Variants in ADAMTS19 observed in about 807,000 individuals in gnomAD.
The protein encoded by ADAMTS19 is ADAM metallopeptidase with thrombospondin type 1 motif 19.
ADAMTS19 carries 93 observed loss-of-function variants against 153.3 expected under a neutral mutation model. The ratio of observed to expected loss-of-function variants is 0.61; its 90% CI spans 0.51 to 0.72. The LOEUF is 0.72. ADAMTS19 is among the 30% of genes least tolerant of loss of function. ADAMTS19 has a pLI of 0.00. For synonymous variants in ADAMTS19, 600 were observed against 556.6 expected, an observed-to-expected ratio of 1.08 and a Z score of -1.10; for missense variants, 1,482 against 1,552.1, an observed-to-expected ratio of 0.95 and a Z score of 0.76.
intron 7 of ADAMTS19, among the ~76,000 whole-genome samples, chr5:129,571,247 T>C (rs1753895264): frequency 6.6e-6 from 1 of 151,922 alleles, no homozygotes; most frequent in Admixed American, 6.6e-5. Context: ...AAAAATCTAA[T>C]GTATTTTTAT....
chr5:129,498,249 C>A (rs2126704628), intron 2 of ADAMTS19, among the ~76,000 whole-genome samples: 1 of 152,132 alleles, frequency 6.6e-6, no homozygotes, highest in South Asian at 2.1e-4. Flanking sequence ...CCATTTCAAT[C>A]TTTCTTTTAA....
chr5:129,682,625 G>T (rs529503553), intron 17 of ADAMTS19, among the ~76,000 whole-genome samples: 15 of 152,184 alleles, frequency 9.9e-5, no homozygotes, highest in African/African-American at 3.4e-4. Flanking sequence ...ATAGTCGTAA[G>T]GTATATCATT....
intron 7 of ADAMTS19, among the ~76,000 whole-genome samples, chr5:129,582,279 C>A (rs1334967316): frequency 1.3e-5 from 2 of 150,922 alleles, no homozygotes; most frequent in African/African-American, 2.4e-5. Context: ...CTGGGTGCTC[C>A]TGTATTGGGG....
At chr5:129,482,173 C>T (rs934351743) in intron 2 of ADAMTS19, among the ~76,000 whole-genome samples, 1 of 152,202 alleles carries the variant, frequency 6.6e-6, no homozygotes, top group African/African-American at 2.4e-5. Flanking sequence ...TCTAGTACTT[C>T]ATTTTCTCCC....
intron 18 of ADAMTS19, among the ~76,000 whole-genome samples, chr5:129,687,107 A>G (rs1199084305): frequency 6.6e-6 from 1 of 152,172 alleles, no homozygotes; most frequent in East Asian, 1.9e-4. Context: ...ACAAAGGCAC[A>G]AAATAGAAGC....
chr5:129,693,213 C>G (rs970727909), intron 18 of ADAMTS19, among the ~76,000 whole-genome samples: 1 of 152,156 alleles, frequency 6.6e-6, no homozygotes, highest in Admixed American at 6.6e-5. Context: ...ACTTAGCCAA[C>G]CAGTTGCCTC....
intron 7 of ADAMTS19, among the ~76,000 whole-genome samples, chr5:129,577,543 G>A (rs1379345615): frequency 6.6e-6 from 1 of 152,096 alleles, no homozygotes; most frequent in East Asian, 1.9e-4. Flanking sequence ...AGTGACAAGT[G>A]ATATTTGCAT....
chr5:129,589,425 A>G lies in ADAMTS19; in HGVS notation c.1373-7134A>G, dbSNP rs531253343. Among the ~76,000 whole-genome samples, 4 of 152,162 alleles carry G rather than the reference A, an allele frequency of 2.6e-5. No individual in the cohort carries two copies. In the East Asian group the frequency reaches 7.7e-4, roughly 29 times the overall value. ...TATACATTATAATTACATATATGTT[A>G]TCCAAATGTATAACGGATATATATG... On this transcript the variant is annotated intron_variant, in intron 7 of 22. Transcript: ENST00000274487.
rs1272009073 is a variant in ADAMTS19, at chr5:129,551,180, G to C, written c.1329-684G>C. Among the ~76,000 whole-genome samples the C allele has an allele frequency of 2.6e-5, 4 of 151,692 alleles. No homozygotes were observed. The East Asian group carries it at 5.8e-4, about 22-fold the overall frequency. On this transcript the variant is annotated intron_variant, in intron 6 of 22. Transcript: ENST00000274487. ...ATAGCTAGTAAGAGGTAGATTAAAA[G>C]TTTTGCTTTCATATATTCTGCCCCC...
chr5:129,730,986 TCTCA>T (rs2127219366), intron 21 of ADAMTS19, among the ~76,000 whole-genome samples: 1 of 151,900 alleles, frequency 6.6e-6, no homozygotes, highest in African/African-American at 2.4e-5. Flanking sequence ...TGAGACAGAG[TCTCA>T]CTCTGTCACC....
intron 20 of ADAMTS19, among the ~76,000 whole-genome samples, chr5:129,702,870 T>C (rs1331061050): frequency 2.7e-5 from 4 of 147,036 alleles, no homozygotes; most frequent in African/African-American, 1.0e-4. Context: ...TGAAAAAACG[T>C]CTATTGTTTT....
intron 3 of ADAMTS19, among the ~76,000 whole-genome samples, chr5:129,518,921 G>A (rs1425231671): frequency 1.3e-5 from 2 of 151,894 alleles, no homozygotes; most frequent in African/African-American, 4.8e-5. Context: ...TTTTCAAATA[G>A]CCTGTCTTCA....
chr5:129,669,109 T>C (rs1259116028), intron 16 of ADAMTS19, among the ~76,000 whole-genome samples: 2 of 152,014 alleles, frequency 1.3e-5, no homozygotes, highest in Non-Finnish European at 1.5e-5. Flanking sequence ...TATATTCAAA[T>C]GATTTTCAAC....
chr5:129,700,488 T>A (rs1755784545), intron 19 of ADAMTS19, among the ~76,000 whole-genome samples: 2 of 152,182 alleles, frequency 1.3e-5, no homozygotes, highest in African/African-American at 4.8e-5. Flanking sequence ...TCAATCACAG[T>A]CTTCTGTTAC....
intron 16 of ADAMTS19, among the ~76,000 whole-genome samples, chr5:129,667,436 A>C (rs1754104170): frequency 6.6e-6 from 1 of 152,130 alleles, no homozygotes; most frequent in African/African-American, 2.4e-5. Flanking sequence ...TCTCATGCTA[A>C]ATTCTGATCC....
In ADAMTS19 at chr5:129,546,394, A is replaced by T. The variant is rs554728079; in HGVS notation, c.1329-5470A>T. Among the ~76,000 whole-genome samples, 507 of 151,042 alleles carry T rather than the reference A, an allele frequency of 3.4e-3. 30 individuals carry two copies. Among genetic ancestry groups the T allele is most frequent in the African/African-American group, 0.011 (449 of 40,362 alleles). ...TAAAACTTAAAGTATAATAAAAAAA[A>T]TTAAAAAAAAGAGAAGATAAATAAA... On this transcript the variant is annotated intron_variant, in intron 6 of 22. Transcript: ENST00000274487.
intron 11 of ADAMTS19, 62 bp from the exon 12 acceptor site, chr5:129,647,687 TCCAGTGACATTATAGG>T: frequency 6.6e-7 from 1 of 1,515,784 alleles, no homozygotes; most frequent in African/African-American, 1.4e-5. Flanking sequence ...TAATTGCAAT[TCCAGTGACATTATAGG>T]CCAGCGAATG....
chr5:129,714,821 T>A (rs1756649676), intron 21 of ADAMTS19, among the ~76,000 whole-genome samples: 1 of 152,246 alleles, frequency 6.6e-6, no homozygotes, highest in Admixed American at 6.5e-5. Context: ...ATTTTCCTTA[T>A]GAGCACTTTT....
chr5:129,680,808 A>G (rs1410233999), intron 17 of ADAMTS19, among the ~76,000 whole-genome samples: 1 of 151,872 alleles, frequency 6.6e-6, no homozygotes, highest in Non-Finnish European at 1.5e-5. Context: ...GTGGGTTAGA[A>G]TTTGAAGAGA....
Sources: gnomAD v4.1 joint callset for allele counts (sites outside exome capture counted in the v4.1 genomes callset) on GRCh38, gnomAD v4.1.1 for gene constraint, MANE v1.5 for transcripts, NCBI Gene and HGNC (gene_info 2026-07-23, HGNC 2026-07-21) for gene names.